The following SOBP variants were observed in gnomAD, a reference collection of about 807,000 sequenced individuals.
The protein encoded by SOBP is sine oculis binding protein homolog, also known as sine oculis-binding protein homolog.
Under a neutral mutation model 53.6 loss-of-function variants are expected in SOBP, and 4 were observed. The observed-to-expected ratio is 0.07, with a 90% CI of 0.04 to 0.17. The LOEUF (loss-of-function observed/expected upper bound fraction) is 0.17, where lower values mean the gene tolerates loss of function less well. Among genes scored for constraint, SOBP ranks in the 10% least tolerant of loss-of-function variants. SOBP has a pLI of 1.00. For missense variants in SOBP, 1,088 were observed against 1,204.7 expected (o/e 0.90, Z 1.43); for synonymous variants, 584 against 522.6 (o/e 1.12, Z -1.60).
At chr6:107,559,654 A>G (rs1188117500) in intron 4 of SOBP, among the ~76,000 whole-genome samples, 1 of 152,238 alleles carries the variant, frequency 6.6e-6, no homozygotes, top group Non-Finnish European at 1.5e-5. Flanking sequence ...CAGATTAACT[A>G]ATCAGTCTTC....
chr6:107,650,759 T>C (rs748490652), intron 6 of SOBP, among the ~76,000 whole-genome samples: 3 of 152,168 alleles, frequency 2.0e-5, no homozygotes, highest in African/African-American at 7.2e-5. Context: ...TTAATAATTC[T>C]ATGATGGCCT....
At chr6:107,542,958 G>C (rs759745578) in intron 4 of SOBP, among the ~76,000 whole-genome samples, 2 of 152,038 alleles carry the variant, frequency 1.3e-5, no homozygotes, top group African/African-American at 4.8e-5. Context: ...CAGCATCCAC[G>C]GGCCTTCTCA....
At chr6:107,544,686 C>G (rs778197336) in intron 4 of SOBP, among the ~76,000 whole-genome samples, 1 of 152,318 alleles carries the variant, frequency 6.6e-6, no homozygotes, top group Middle Eastern at 3.4e-3. Context: ...CATTGATATG[C>G]GCTTTCTTTG....
At chr6:107,616,662 A>T (rs750286809) in intron 5 of SOBP, among the ~76,000 whole-genome samples, 2 of 152,212 alleles carry the variant, frequency 1.3e-5, no homozygotes, top group Non-Finnish European at 2.9e-5. Context: ...TAAAATTCTT[A>T]AATTGAAAGC....
chr6:107,608,908 G>T (rs1465021642), intron 5 of SOBP, among the ~76,000 whole-genome samples: 1 of 152,212 alleles, frequency 6.6e-6, no homozygotes, highest in Non-Finnish European at 1.5e-5. Context: ...GCATCAGAAA[G>T]CCCCTTAGCC....
At chr6:107,538,764 A>G (rs1403138928) in intron 4 of SOBP, among the ~76,000 whole-genome samples, 2 of 152,236 alleles carry the variant, frequency 1.3e-5, no homozygotes, top group African/African-American at 4.8e-5. Flanking sequence ...GAAAAGAACA[A>G]CAAACCCAAG....
intron 4 of SOBP, among the ~76,000 whole-genome samples, chr6:107,577,988 G>A (rs1785284494): frequency 6.6e-6 from 1 of 151,404 alleles, no homozygotes; most frequent in African/African-American, 2.4e-5. Context: ...GCAGGAGAAT[G>A]GCGTGAACCG....
At chr6:107,618,181 G>T (rs1786868690) in intron 5 of SOBP, among the ~76,000 whole-genome samples, 1 of 151,996 alleles carries the variant, frequency 6.6e-6, no homozygotes, top group African/African-American at 2.4e-5. Context: ...CAAATTAATG[G>T]GTAAATGACT....
chr6:107,648,576 A>G (rs563966255), intron 6 of SOBP, among the ~76,000 whole-genome samples: 10 of 152,000 alleles, frequency 6.6e-5, no homozygotes, highest in Admixed American at 6.5e-4. Flanking sequence ...TTGTTTGCAA[A>G]TGCAGGGTGT....
chr6:107,643,321 A>G (rs1341352994), intron 6 of SOBP, among the ~76,000 whole-genome samples: 1 of 152,234 alleles, frequency 6.6e-6, no homozygotes, highest in African/African-American at 2.4e-5. Flanking sequence ...GAGTAATTTC[A>G]AGATATTTGG....
chr6:107,538,805 A>G (rs1036927013), intron 4 of SOBP, among the ~76,000 whole-genome samples: 3 of 152,230 alleles, frequency 2.0e-5, no homozygotes, highest in Non-Finnish European at 4.4e-5. Context: ...TTTGAAATAC[A>G]GAATGGAATA....
At chr6:107,497,697 C>G (rs1782737089) in intron 1 of SOBP, among the ~76,000 whole-genome samples, 1 of 152,202 alleles carries the variant, frequency 6.6e-6, no homozygotes, top group East Asian at 1.9e-4. Flanking sequence ...AAAAATGTAT[C>G]TACAGTATAT....
At chr6:107,557,210 C>T (rs1784638131) in intron 4 of SOBP, among the ~76,000 whole-genome samples, 1 of 152,054 alleles carries the variant, frequency 6.6e-6, no homozygotes, top group Non-Finnish European at 1.5e-5. Context: ...ATATATTTCA[C>T]ATTTTAGAGA....
At chr6:107,539,056 G>A (rs2114995308) in intron 4 of SOBP, among the ~76,000 whole-genome samples, 1 of 152,288 alleles carries the variant, frequency 6.6e-6, no homozygotes, top group South Asian at 2.1e-4. Flanking sequence ...GAAGCTTGGG[G>A]AGAGGTATGT....
intron 3 of SOBP, among the ~76,000 whole-genome samples, chr6:107,512,180 GC>G (rs1783189299): frequency 6.6e-6 from 1 of 152,118 alleles, no homozygotes; most frequent in African/African-American, 2.4e-5. Flanking sequence ...CTCCTTCTTT[GC>G]TAATTTAAAA....
intron 5 of SOBP, among the ~76,000 whole-genome samples, chr6:107,603,265 G>T (rs776654069): frequency 1.3e-5 from 2 of 152,206 alleles, no homozygotes; most frequent in African/African-American, 2.4e-5. Flanking sequence ...GCCTCCCAGT[G>T]TGCCTTCTGG....
intron 2 of SOBP, among the ~76,000 whole-genome samples, chr6:107,505,681 TG>T (rs905107065): frequency 6.6e-6 from 1 of 152,070 alleles, no homozygotes; most frequent in Non-Finnish European, 1.5e-5. Context: ...GATGGAGTCT[TG>T]CTCTGTCACC....
chr6:107,490,814 G>A, intron 1 of SOBP, 102 bp downstream of exon 1: 2 of 875,184 alleles, frequency 2.3e-6, no homozygotes, highest in Non-Finnish European at 3.7e-6. Flanking sequence ...GCGCTTGTCA[G>A]TTTCTGTAGG....
intron 4 of SOBP, among the ~76,000 whole-genome samples, chr6:107,535,944 A>G (rs1238610417): frequency 1.3e-5 from 2 of 152,188 alleles, no homozygotes; most frequent in Non-Finnish European, 2.9e-5. Context: ...ATCATTTAAC[A>G]AAGTCCTTAG....
Sources: gnomAD v4.1 joint callset for allele counts (sites outside exome capture counted in the v4.1 genomes callset) on GRCh38, gnomAD v4.1.1 for gene constraint, MANE v1.5 for transcripts, NCBI Gene and HGNC (gene_info 2026-07-23, HGNC 2026-07-21) for gene names.